The following ZRANB3 variants were observed in gnomAD, a reference collection of about 807,000 sequenced individuals.
ZRANB3 encodes zinc finger RANBP2-type containing 3, also known as DNA annealing helicase and endonuclease ZRANB3.
A neutral mutation model predicts 133.8 loss-of-function variants in ZRANB3; 125 were observed. The ratio of observed to expected loss-of-function variants is 0.93; its 90% CI spans 0.81 to 1.08. The LOEUF (loss-of-function observed/expected upper bound fraction) is 1.08. ZRANB3 is among the 50% of genes least tolerant of loss of function. ZRANB3 has a pLI of 0.00. For synonymous variants in ZRANB3, 387 were observed against 432.7 expected, an observed-to-expected ratio of 0.89 and a Z score of 1.31; for missense variants, 1,229 against 1,275.5, an observed-to-expected ratio of 0.96 and a Z score of 0.56.
chr2:135,438,082 T>C (rs1346641716), intron 2 of ZRANB3, among the ~76,000 whole-genome samples: 2 of 152,158 alleles, frequency 1.3e-5, no homozygotes. Flanking sequence ...ACCACCAATT[T>C]TCCTGGGCCT....
chr2:135,325,070 C>G (rs1683743586), intron 6 of ZRANB3, among the ~76,000 whole-genome samples: 1 of 152,158 alleles, frequency 6.6e-6, no homozygotes, highest in Non-Finnish European at 1.5e-5. Flanking sequence ...AGATGCTAAA[C>G]TCCCAAAGTT....
At chr2:135,237,862 A>G (rs189264288) in intron 12 of ZRANB3, among the ~76,000 whole-genome samples, 2,128 of 152,276 alleles carry the variant, frequency 0.014, 50 homozygotes, top group African/African-American at 0.049. Context: ...TAATGGGTGC[A>G]GCACACCAAC....
At chr2:135,408,299 G>A (rs1688138633) in intron 2 of ZRANB3, among the ~76,000 whole-genome samples, 1 of 152,086 alleles carries the variant, frequency 6.6e-6, no homozygotes, top group African/African-American at 2.4e-5. Flanking sequence ...CAGTTAGAAT[G>A]GCGATCATTA....
At chr2:135,314,346 TTTTA>T (rs1683152381) in intron 7 of ZRANB3, among the ~76,000 whole-genome samples, 1 of 152,178 alleles carries the variant, frequency 6.6e-6, no homozygotes, top group Non-Finnish European at 1.5e-5. Flanking sequence ...GTTGATTCCA[TTTTA>T]TTTTTCTTTC....
intron 8 of ZRANB3, among the ~76,000 whole-genome samples, chr2:135,305,299 G>C (rs111931304): frequency 6.6e-6 from 1 of 152,212 alleles, no homozygotes; most frequent in Non-Finnish European, 1.5e-5. Context: ...TTTCTGATAA[G>C]TATAGCTATT....
At position 135,220,699 on chromosome 2, in the gene ZRANB3, A is replaced by G. The variant is rs796447736; in HGVS notation, c.2251-1521T>C. ...GGTGGCAGAGAGAGACTCCATCTCAAAAAAAAAAAAAAAAAAAAATTGATA... is the reference window on the plus strand; with the variant it reads ...GGTGGCAGAGAGAGACTCCATCTCAGAAAAAAAAAAAAAAAAAAATTGATA... On this transcript the variant is annotated intron_variant, in intron 15 of 20. Transcript: ENST00000264159. 1.3e-4 allele frequency among the ~76,000 whole-genome samples: 17 copies of G among 135,992 alleles called. 1 individual carries two copies. Among genetic ancestry groups the G allele is most frequent in the African/African-American group, 4.8e-4 (15 of 31,338 alleles). The allele number at this position is 135,992 out of a possible 152,430, so 89.2% of individuals were successfully genotyped here. A position where few individuals can be genotyped will look rare whatever the true frequency, so the allele number is the denominator to read the frequency against.
chr2:135,372,314 C>T (rs921664180), intron 3 of ZRANB3, among the ~76,000 whole-genome samples: 1 of 152,146 alleles, frequency 6.6e-6, no homozygotes, highest in Non-Finnish European at 1.5e-5. Context: ...CTTCCCAGCC[C>T]CCAGAACTGT....
intron 2 of ZRANB3, among the ~76,000 whole-genome samples, chr2:135,393,476 A>C (rs1320950974): frequency 6.6e-6 from 1 of 152,146 alleles, no homozygotes; most frequent in African/African-American, 2.4e-5. Flanking sequence ...GAAATACTGA[A>C]GGAATAGAAA....
intron 2 of ZRANB3, among the ~76,000 whole-genome samples, chr2:135,484,943 G>A (rs1481922920): frequency 6.6e-6 from 1 of 151,802 alleles, no homozygotes; most frequent in Non-Finnish European, 1.5e-5. Flanking sequence ...GGTAGAGGTG[G>A]GAGGATCACT....
At chr2:135,358,513 T>C (rs1348420139) in intron 3 of ZRANB3, among the ~76,000 whole-genome samples, 1 of 152,224 alleles carries the variant, frequency 6.6e-6, no homozygotes. Context: ...GTTTTCAAAA[T>C]TCTGAACATT....
intron 12 of ZRANB3, among the ~76,000 whole-genome samples, chr2:135,233,043 G>GA (rs1695109079): frequency 6.6e-6 from 1 of 152,024 alleles, no homozygotes; most frequent in South Asian, 2.1e-4. Context: ...TAAAAACCTT[G>GA]AAAAAAAATT....
chr2:135,378,410 T>C (rs541805982), intron 3 of ZRANB3, among the ~76,000 whole-genome samples: 8 of 152,092 alleles, frequency 5.3e-5, no homozygotes, highest in African/African-American at 1.9e-4. Flanking sequence ...GGAGAATTGC[T>C]TGAACCCGGG....
chr2:135,515,673 T>C (rs1014601976), intron 1 of ZRANB3, among the ~76,000 whole-genome samples: 2 of 152,336 alleles, frequency 1.3e-5, no homozygotes, highest in Middle Eastern at 3.4e-3. Context: ...TTCCATTCTT[T>C]TGCATTTGCT....
chr2:135,397,685 C>A (rs1687554250), intron 2 of ZRANB3, among the ~76,000 whole-genome samples: 2 of 152,122 alleles, frequency 1.3e-5, no homozygotes, highest in Non-Finnish European at 2.9e-5. Flanking sequence ...TAAAAGTAAC[C>A]ATTGTTTCCA....
chr2:135,232,332 C>T (rs1695066330), intron 12 of ZRANB3, among the ~76,000 whole-genome samples: 2 of 152,218 alleles, frequency 1.3e-5, no homozygotes, highest in Non-Finnish European at 2.9e-5. Context: ...CTCAAGGAGG[C>T]CTGCCTGCCT....
chr2:135,478,427 G>T (rs1345806498), intron 2 of ZRANB3, among the ~76,000 whole-genome samples: 1 of 151,902 alleles, frequency 6.6e-6, no homozygotes, highest in Non-Finnish European at 1.5e-5. Flanking sequence ...TCACAACACC[G>T]CCACCTCCAC....
intron 2 of ZRANB3, among the ~76,000 whole-genome samples, chr2:135,403,205 C>G (rs1687824350): frequency 6.6e-6 from 1 of 152,174 alleles, no homozygotes; most frequent in Admixed American, 6.5e-5. Context: ...CTTTTCTAGT[C>G]AAACAAAGGG....
At chr2:135,270,224 G>A (rs1290976298) in intron 10 of ZRANB3, among the ~76,000 whole-genome samples, 1 of 152,062 alleles carries the variant, frequency 6.6e-6, no homozygotes, top group East Asian at 1.9e-4. Flanking sequence ...AAAATAAAAA[G>A]TAGTATTTAA....
At chr2:135,327,083 T>C (rs1353660131) in intron 6 of ZRANB3, among the ~76,000 whole-genome samples, 1 of 152,054 alleles carries the variant, frequency 6.6e-6, no homozygotes, top group African/African-American at 2.4e-5. Flanking sequence ...AGCTGGGTAA[T>C]GAGTACATGG....
Sources: gnomAD v4.1 joint callset for allele counts (sites outside exome capture counted in the v4.1 genomes callset) on GRCh38, gnomAD v4.1.1 for gene constraint, MANE v1.5 for transcripts, NCBI Gene and HGNC (gene_info 2026-07-23, HGNC 2026-07-21) for gene names.